The following ADCY8 variants were observed in gnomAD, a reference collection of about 807,000 sequenced individuals.
ADCY8 encodes adenylate cyclase type 8.
ADCY8 carries 51 observed loss-of-function variants against 119.7 expected under a neutral mutation model. That is an observed-to-expected ratio of 0.43 (90% CI 0.34 to 0.54). The LOEUF (loss-of-function observed/expected upper bound fraction) is 0.54, where lower values mean the gene tolerates loss of function less well. Ranked by LOEUF, ADCY8 falls within the 20% of genes least tolerant of loss-of-function variation. ADCY8 has a pLI of 0.03. For missense variants in ADCY8, 1,383 were observed against 1,598.8 expected, an observed-to-expected ratio of 0.87 and a Z score of 2.30; for synonymous variants, 665 against 651.0, an observed-to-expected ratio of 1.02 and a Z score of -0.33.
chr8:131,020,389 A>G (rs565346996), intron 1 of ADCY8, among the ~76,000 whole-genome samples: 4 of 152,312 alleles, frequency 2.6e-5, no homozygotes, highest in African/African-American at 9.6e-5. Flanking sequence ...TTCAGCAGGC[A>G]AACTTGCAAT....
rs1399110078 is a variant in ADCY8 at position 130,943,410 on chromosome 8, C to A, written c.1294G>T (p.Ala432Ser). The A allele has an allele frequency of 1.9e-6, 3 of 1,568,284 alleles. No individual in the cohort carries two copies. The highest frequency in any genetic ancestry group is 2.6e-6 in the Non-Finnish European group (3 of 1,157,624). The stretch of plus-strand genomic sequence containing the variant: ...TTGAGCATCCTGACCAGCTCCTGAG[C>A]AGACAAGGTCGTGGAGAGGTTGGTA... Reference protein sequence around the residue: ...GFTNLSTTLSAQELVRMLNEL... With the variant: ...GFTNLSTTLSSQELVRMLNEL... Residue 432 changes from alanine (A) to serine (S), a missense_variant, in exon 4 of 18, where the codon GCT (alanine) becomes TCT (serine). Ala to Ser is a moderately conservative substitution (Grantham distance 99, BLOSUM62 1). Coordinates refer to ENST00000286355, the MANE Select transcript of ADCY8 (RefSeq NM_001115.3).
At chr8:130,849,935 G>A in intron 9 of ADCY8, 132 bp from the exon 10 acceptor site, 1 of 905,266 alleles carries the variant, frequency 1.1e-6, no homozygotes, top group South Asian at 1.7e-5. Flanking sequence ...CCAAGAAAAA[G>A]GTTATTAGCA....
Position 130,798,006 on chromosome 8 carries a change from T to C in ADCY8, c.3060+2420A>G, listed in dbSNP as rs116164500. On this transcript the variant is annotated intron_variant, in intron 15 of 17. Transcript: ENST00000286355. ...TAGTGGTATGTGACTCTGGTCATTT[T>C]TGGTGTTTCTAGTCTCAGCTTTGCT... 8.1e-3 allele frequency among the ~76,000 whole-genome samples: 1,231 copies of C among 152,346 alleles called. 17 individuals are homozygous for C. The highest frequency in any genetic ancestry group is 0.028 in the African/African-American group (1,169 of 41,572).
chr8:131,019,899 G>A (rs1298818784), intron 1 of ADCY8, among the ~76,000 whole-genome samples: 2 of 147,630 alleles, frequency 1.4e-5, no homozygotes, highest in Non-Finnish European at 3.0e-5. Context: ...CAAGAAAATT[G>A]CGGGTGTTTT....
Position 131,039,992 on chromosome 8 carries a change from C to G in ADCY8, c.342G>C (p.Gly114=), listed in dbSNP as rs772335947. Residue 114 remains glycine, a synonymous_variant, in exon 1 of 18, where the codon GGG becomes GGC. Transcript: ENST00000286355. ...CTCCGCTGCCGCTGGCACTGCCGCT[C>G]CCGCTGCGTTCCGGGAAGACTTTGG... The part of the protein sequence containing the change: ...CGTKVFPERS[G]SGSASGSGGG... 4 of 1,570,664 alleles carry G rather than the reference C, an allele frequency of 2.5e-6. No individual in the cohort carries two copies. Among genetic ancestry groups the G allele is most frequent in the Non-Finnish European group, 3.4e-6 (4 of 1,159,586 alleles).
chr8:131,002,110 T>C (rs1292749612), intron 1 of ADCY8, among the ~76,000 whole-genome samples: 1 of 152,258 alleles, frequency 6.6e-6, no homozygotes, highest in Non-Finnish European at 1.5e-5. Context: ...TTATGTAAAC[T>C]TGGCTCAGTT....
intron 1 of ADCY8, among the ~76,000 whole-genome samples, chr8:131,025,383 A>C (rs1044841462): frequency 6.6e-6 from 1 of 152,146 alleles, no homozygotes; most frequent in Non-Finnish European, 1.5e-5. Context: ...TATTCATCAT[A>C]TGACCAAAGG....
intron 2 of ADCY8, among the ~76,000 whole-genome samples, chr8:130,987,140 C>T (rs1390704364): frequency 6.6e-6 from 1 of 152,184 alleles, no homozygotes; most frequent in African/African-American, 2.4e-5. Context: ...ATCCTTCTGA[C>T]AAACCACTTT....
chr8:130,973,212 A>G (rs1482049194), intron 2 of ADCY8, among the ~76,000 whole-genome samples: 1 of 152,196 alleles, frequency 6.6e-6, no homozygotes, highest in Non-Finnish European at 1.5e-5. Context: ...AGACAACCCA[A>G]ACTTACTAAA....
At chr8:130,880,966 T>C (rs867955452) in intron 8 of ADCY8, among the ~76,000 whole-genome samples, 2 of 152,198 alleles carry the variant, frequency 1.3e-5, no homozygotes, top group African/African-American at 2.4e-5. Context: ...AGGAAAGATA[T>C]GTTCGCTAAG....
At chr8:130,896,844 AT>A in intron 7 of ADCY8, among the ~76,000 whole-genome samples, 1 of 152,200 alleles carries the variant, frequency 6.6e-6, no homozygotes, top group East Asian at 1.9e-4. Flanking sequence ...CTGGTAAATT[AT>A]TTATGGATGG....
intron 7 of ADCY8, among the ~76,000 whole-genome samples, chr8:130,900,807 C>T (rs1274700547): frequency 6.6e-6 from 1 of 152,176 alleles, no homozygotes; most frequent in East Asian, 1.9e-4. Context: ...CACCAAAATT[C>T]TCGTGACTAT....
intron 5 of ADCY8, among the ~76,000 whole-genome samples, chr8:130,924,554 G>C (rs777978368): frequency 2.0e-5 from 3 of 152,088 alleles, no homozygotes; most frequent in Non-Finnish European, 4.4e-5. Context: ...ATTTCCCCCT[G>C]TAAACCCTAT....
intron 14 of ADCY8, among the ~76,000 whole-genome samples, chr8:130,805,833 G>A (rs561564672): frequency 6.6e-6 from 1 of 152,186 alleles, no homozygotes; most frequent in Non-Finnish European, 1.5e-5. Flanking sequence ...GGAAACCTGT[G>A]TTATGTGGCT....
In ADCY8 at chr8:130,854,010, C is replaced by G. The variant is rs138666907; in HGVS notation, c.2211-4207G>C. Reference sequence around the variant, plus strand: ...CTCTTTCTCTATTCATCATGAAATTCAGGAAACCAAAAGCACTTTAAAGTT... The same window carrying G: ...CTCTTTCTCTATTCATCATGAAATTGAGGAAACCAAAAGCACTTTAAAGTT... On this transcript the variant is annotated intron_variant, in intron 9 of 17. Transcript: ENST00000286355. Among the ~76,000 whole-genome samples the G allele has an allele frequency of 3.7e-4, 57 of 152,232 alleles. 2 individuals are homozygous for G. In the East Asian group the frequency reaches 8.7e-3, roughly 23 times the overall value.
intron 12 of ADCY8, among the ~76,000 whole-genome samples, chr8:130,830,546 C>T (rs1384519462): frequency 1.3e-5 from 2 of 152,108 alleles, no homozygotes; most frequent in Non-Finnish European, 2.9e-5. Flanking sequence ...GAGCTGTTTT[C>T]CTTTCTCTTT....
rs561197475 is a variant in ADCY8, at chr8:130,869,738, C to T, written c.2110-1792G>A. ...TTCACCATGTTAGCCAGGATGGTCT[C>T]GATATCCTGACCTGGTGATCCACCT... is the stretch of plus-strand genomic sequence containing the variant. On this transcript the variant is annotated intron_variant, in intron 8 of 17. Transcript: ENST00000286355. 1.3e-3 allele frequency among the ~76,000 whole-genome samples: 190 copies of T among 151,680 alleles called. 1 individual carries two copies. The highest frequency in any genetic ancestry group is 3.4e-3 in the Middle Eastern group (1 of 294).
chr8:130,928,379 T>C (rs1820533970), intron 5 of ADCY8, among the ~76,000 whole-genome samples: 1 of 152,208 alleles, frequency 6.6e-6, no homozygotes, highest in Non-Finnish European at 1.5e-5. Flanking sequence ...GGCCTAACTT[T>C]TTCTTATTGA....
chr8:131,001,273 G>T (rs1822937465), intron 1 of ADCY8, among the ~76,000 whole-genome samples: 1 of 152,126 alleles, frequency 6.6e-6, no homozygotes, highest in African/African-American at 2.4e-5. Flanking sequence ...GCTCTCAGGG[G>T]TGTCTGGAAT....
Sources: allele counts gnomAD v4.1 joint callset (sites outside exome capture counted in the v4.1 genomes callset), GRCh38; gene constraint gnomAD v4.1.1; transcripts MANE v1.5; gene names NCBI Gene and HGNC (gene_info 2026-07-23, HGNC 2026-07-21).